Variants in RP1 observed in about 807,000 individuals in gnomAD.
RP1 encodes the protein RP1 axonemal microtubule associated.
A neutral mutation model predicts 14.8 loss-of-function variants in RP1; 16 were observed. The ratio of observed to expected loss-of-function variants is 1.08; its 90% CI spans 0.73 to 1.65. RP1 has a LOEUF of 1.65. Among genes scored for constraint, RP1 ranks in the 40% most tolerant of loss-of-function variants. RP1 has a pLI of 0.00. For synonymous variants in RP1, 876 were observed against 883.6 expected, an observed-to-expected ratio of 0.99 and a Z score of 0.15; for missense variants, 2,631 against 2,535.0, an observed-to-expected ratio of 1.04 and a Z score of -0.81.
At position 54,627,077 on chromosome 8, in the gene RP1, A is replaced by G. The variant is rs186033004; in HGVS notation, c.3195A>G (p.Val1065=). The change falls in exon 4 of 4, where the codon GTA becomes GTG. Residue 1065 remains valine (V), a synonymous_variant. Coordinates refer to ENST00000220676, the MANE Select transcript of RP1 (RefSeq NM_006269.2). The stretch of plus-strand genomic sequence containing the variant: ...ACCTAGCTAGAAAAAGGCAAAGTGT[A>G]GAGGCTGCCATTCAAGTAGATCCTA... ...EINLARKRQS[V]EAAIQVDPIE... is the part of the protein sequence containing the mutation. 9.3e-6 allele frequency: 15 copies of G among 1,614,070 alleles called. No individual in the cohort carries two copies. Among genetic ancestry groups the G allele is most frequent in the Non-Finnish European group, 5.9e-6 (7 of 1,179,976 alleles).
At chr8:54,649,227 C>A in intron 4 of RP1, 1 of 1,074,028 alleles carries the variant, frequency 9.3e-7, no homozygotes, top group Non-Finnish European at 1.2e-6. Flanking sequence ...ATAGTCTATC[C>A]CTTTAGTAAC....
chr8:54,585,584 C>T (rs1036384904), intron 1 of RP1, among the ~76,000 whole-genome samples: 1 of 152,238 alleles, frequency 6.6e-6, no homozygotes, highest in African/African-American at 2.4e-5. Flanking sequence ...TAATATCCTG[C>T]AGAGTGTTTT....
exon 29 of RP1, chr8:54,870,786 G>A (rs1170768839): frequency 6.6e-6 from 1 of 152,132 alleles, no homozygotes; most frequent in Admixed American, 6.6e-5. Context: ...GCCCCGTGAG[G>A]TAGATGCTAT....
At chr8:54,844,678 C>A (rs1018742595) in intron 25 of RP1, among the ~76,000 whole-genome samples, 2 of 152,202 alleles carry the variant, frequency 1.3e-5, no homozygotes, top group African/African-American at 4.8e-5. Flanking sequence ...TCCCATAGAT[C>A]GTTTCCCAAT....
chr8:54,645,794 T>C (rs1289976092), intron 3 of RP1, among the ~76,000 whole-genome samples: 5 of 152,170 alleles, frequency 3.3e-5, no homozygotes, highest in Non-Finnish European at 1.5e-5. Flanking sequence ...ACTGAAGCCA[T>C]CTGGGCCTGA....
rs530560722 is a variant in RP1, at chr8:54,753,091, G to T, written c.2809-1712G>T. On this transcript the variant is annotated intron_variant, in intron 19 of 22. Coordinates refer to the RP1 transcript ENST00000636932. Reference sequence around the variant, plus strand: ...AGACCACAGAAGTGGTATTCAAAGTGGTTACATGATTTCTCATGGTCAGTT... The same window carrying T: ...AGACCACAGAAGTGGTATTCAAAGTTGTTACATGATTTCTCATGGTCAGTT... Among the ~76,000 whole-genome samples, 11 of 152,246 alleles carry T rather than the reference G, an allele frequency of 7.2e-5. No individual in the cohort carries two copies. The East Asian group carries it at 2.1e-3, about 29-fold the overall frequency.
At chr8:54,691,101 A>G (rs1436700235) in intron 12 of RP1, among the ~76,000 whole-genome samples, 2 of 152,094 alleles carry the variant, frequency 1.3e-5, no homozygotes, top group South Asian at 2.1e-4. Flanking sequence ...GAAGTAGAGT[A>G]GAAACACTTT....
intron 2 of RP1, 62 bp downstream of exon 2, chr8:54,621,643 G>T: frequency 6.2e-7 from 1 of 1,610,218 alleles, no homozygotes; most frequent in Non-Finnish European, 8.5e-7. Flanking sequence ...AATTGGATTC[G>T]TGTGGGATAT....
chr8:54,668,600 G>A (rs1187855707), intron 7 of RP1, among the ~76,000 whole-genome samples: 1 of 152,128 alleles, frequency 6.6e-6, no homozygotes, highest in Non-Finnish European at 1.5e-5. Flanking sequence ...AAAGCTGGAG[G>A]CATCATGCTA....
intron 12 of RP1, among the ~76,000 whole-genome samples, chr8:54,680,683 G>T (rs1807405922): frequency 6.6e-6 from 1 of 152,176 alleles, no homozygotes; most frequent in Non-Finnish European, 1.5e-5. Context: ...TCTGGGCCGG[G>T]TGTGGTGGCT....
At chr8:54,748,271 G>A (rs111871283) in intron 19 of RP1, among the ~76,000 whole-genome samples, 49 of 152,256 alleles carry the variant, frequency 3.2e-4, no homozygotes, top group African/African-American at 1.2e-3. Flanking sequence ...CCACATAAAG[G>A]AAATAGCAAG....
intron 6 of RP1, chr8:54,656,323 C>A: frequency 8.7e-7 from 1 of 1,154,946 alleles, no homozygotes; most frequent in Non-Finnish European, 1.2e-6. Context: ...TTAAGGACTG[C>A]CAGTTTCTTA....
At chr8:54,656,126 C>G in exon 6 of RP1, 1 of 1,534,596 alleles carries the variant, frequency 6.5e-7, no homozygotes, top group Non-Finnish European at 8.7e-7. Flanking sequence ...TTTTATGTAC[C>G]TGTTCAACGA....
At chr8:54,813,844 A>G (rs1811072605) in intron 24 of RP1, among the ~76,000 whole-genome samples, 2 of 152,216 alleles carry the variant, frequency 1.3e-5, no homozygotes, top group South Asian at 4.1e-4. Flanking sequence ...TTTATCTCTC[A>G]GAATAGAATT....
intron 7 of RP1, among the ~76,000 whole-genome samples, chr8:54,668,418 A>C (rs765569716): frequency 3.6e-4 from 55 of 152,320 alleles, no homozygotes; most frequent in Non-Finnish European, 6.0e-4. Flanking sequence ...TATGGATAGG[A>C]AGAATCAATA....
At chr8:54,867,122 C>T (rs908378249) in intron 28 of RP1, among the ~76,000 whole-genome samples, 3 of 152,140 alleles carry the variant, frequency 2.0e-5, no homozygotes, top group African/African-American at 7.2e-5. Context: ...GTAGGTGGCT[C>T]AGCATCACTA....
At chr8:54,704,662 G>A (rs894769426) in intron 14 of RP1, among the ~76,000 whole-genome samples, 24 of 152,274 alleles carry the variant, frequency 1.6e-4, no homozygotes, top group African/African-American at 5.8e-4. Context: ...ATAAAGTGAA[G>A]CACAATTAAG....
chr8:54,853,001 A>C (rs939516668), intron 26 of RP1, among the ~76,000 whole-genome samples: 5 of 152,246 alleles, frequency 3.3e-5, no homozygotes, highest in African/African-American at 1.2e-4. Context: ...GAAACATTTG[A>C]TAAAACATCT....
chr8:54,814,957 CG>C (rs1811103972), intron 24 of RP1, among the ~76,000 whole-genome samples: 1 of 152,146 alleles, frequency 6.6e-6, no homozygotes, highest in Non-Finnish European at 1.5e-5. Context: ...TGCAGTGAGC[CG>C]AGATTGCACC....
Sources: allele counts gnomAD v4.1 joint callset (sites outside exome capture counted in the v4.1 genomes callset), GRCh38; gene constraint gnomAD v4.1.1; transcripts MANE v1.5; gene names NCBI Gene and HGNC (gene_info 2026-07-23, HGNC 2026-07-21).